The following NUP153 variants were observed in gnomAD, a reference collection of about 807,000 sequenced individuals.
NUP153 encodes the protein nucleoporin 153.
A neutral mutation model predicts 134.6 loss-of-function variants in NUP153; 27 were observed. The observed-to-expected ratio is 0.20, with a 90% CI of 0.15 to 0.28. NUP153 has a LOEUF of 0.28. Ranked by LOEUF, NUP153 falls within the 10% of genes least tolerant of loss-of-function variation. The pLI, the probability that NUP153 is intolerant of heterozygous loss-of-function variation, is 1.00. For missense variants in NUP153, 1,821 were observed against 1,731.3 expected, an observed-to-expected ratio of 1.05 and a Z score of -0.92; for synonymous variants, 640 against 623.5, an observed-to-expected ratio of 1.03 and a Z score of -0.40.
chr6:17,666,633 CA>C (rs1248775189), intron 8 of NUP153, among the ~76,000 whole-genome samples: 1 of 152,192 alleles, frequency 6.6e-6, no homozygotes, highest in Non-Finnish European at 1.5e-5. Flanking sequence ...AAAAATCTTA[CA>C]ATGTAAGTCT....
rs551976838 is a variant in NUP153 at position 17,635,781 on chromosome 6, G to A, written c.2464+1372C>T. Among the ~76,000 whole-genome samples, 76 of 152,236 alleles carry A rather than the reference G, an allele frequency of 5.0e-4. No homozygotes were observed. The South Asian group carries it at 0.012, about 24-fold the overall frequency. ...TGTTTTCAAATCCATTATCTAAAAAGCCAGTGACTCATCAAAAATACAAAC... is the reference window on the plus strand; with the variant it reads ...TGTTTTCAAATCCATTATCTAAAAAACCAGTGACTCATCAAAAATACAAAC... On this transcript the variant is annotated intron_variant, in intron 16 of 21. Transcript: ENST00000262077.
chr6:17,674,882 T>C, intron 5 of NUP153, 23 bp downstream of exon 5: 1 of 1,509,820 alleles, frequency 6.6e-7, no homozygotes, highest in Non-Finnish European at 8.8e-7. Context: ...AAAAAGATCA[T>C]CAACCCTTCT....
chr6:17,680,752 T>C lies in NUP153; in HGVS notation c.335-4982A>G, dbSNP rs969554800. On this transcript the variant is annotated intron_variant, in intron 2 of 21. Transcript: ENST00000262077. This position sits in a 1 kb window ranked among gnomAD's most constrained non-coding sequence, Gnocchi z 4.5. ...TACTCCAACCCCCAGTGAAAATGGC[T>C]TTTATCAAAAAGGCAATAATGGATG... 6.6e-6 allele frequency among the ~76,000 whole-genome samples: 1 copy of C among 152,308 alleles called. No individual in the cohort carries two copies. The highest frequency in any genetic ancestry group is 1.9e-4 in the East Asian group (1 of 5,180).
At chr6:17,665,125 A>G (rs1489418390) in intron 9 of NUP153, 114 bp downstream of exon 9, 4 of 629,632 alleles carry the variant, frequency 6.4e-6, no homozygotes, top group Non-Finnish European at 1.0e-5. Context: ...ACTAATTCAC[A>G]ACCTTTATGT....
intron 19 of NUP153, 54 bp from the exon 20 acceptor site, chr6:17,624,887 C>T (rs1159518815): frequency 2.1e-5 from 31 of 1,467,364 alleles, no homozygotes; most frequent in Admixed American, 2.6e-5. Context: ...TCAGATTATC[C>T]TCAAGAAATT....
chr6:17,663,737 G>C (rs1482048660), intron 9 of NUP153, among the ~76,000 whole-genome samples: 1 of 152,098 alleles, frequency 6.6e-6, no homozygotes, highest in Non-Finnish European at 1.5e-5. Flanking sequence ...TGTTAGAAAT[G>C]AGATAAAATA....
In NUP153 at chr6:17,628,830, G is replaced by T. The variant is rs1301474082; in HGVS notation, c.3369C>A (p.Asp1123Glu). The change falls in exon 18 of 22, where the codon GAC (aspartate) becomes GAA (glutamate). Residue 1123 changes from aspartate to glutamate, a missense_variant. Coordinates refer to ENST00000262077, the MANE Select transcript of NUP153 (RefSeq NM_005124.4). The surrounding 1 kb of genome is among the most constrained non-coding windows in gnomAD (Gnocchi z 5.4). ...CTGGTTGACACTTTGGCTCTTCATTGTCAGCTTTCTTCCCAAAAACTAGGG... is the reference window on the plus strand; with the variant it reads ...CTGGTTGACACTTTGGCTCTTCATTTTCAGCTTTCTTCCCAAAAACTAGGG... The part of the protein sequence containing the change: ...STSLVFGKKA[D>E]NEEPKCQPVF... The T allele has an allele frequency of 6.2e-7, 1 of 1,614,100 alleles. No individual in the cohort carries two copies. The highest frequency in any genetic ancestry group is 1.7e-5 in the Admixed American group (1 of 60,012).
chr6:17,654,800 C>T (rs1766712825), intron 11 of NUP153, among the ~76,000 whole-genome samples: 1 of 152,294 alleles, frequency 6.6e-6, no homozygotes, highest in African/African-American at 2.4e-5. Flanking sequence ...TTTGTAATAT[C>T]CTTACATGGG....
At chr6:17,656,826 G>A (rs1420929781) in intron 11 of NUP153, among the ~76,000 whole-genome samples, 1 of 152,172 alleles carries the variant, frequency 6.6e-6, no homozygotes, top group Non-Finnish European at 1.5e-5. Flanking sequence ...GTCTCTTCAT[G>A]CCTCTTTATG....
intron 16 of NUP153, among the ~76,000 whole-genome samples, chr6:17,635,030 A>T (rs1214119461): frequency 6.6e-6 from 1 of 151,832 alleles, no homozygotes; most frequent in African/African-American, 2.4e-5. Context: ...TAGAAAATTC[A>T]CAAATCTGTG....
At chr6:17,654,563 G>A (rs968312602) in intron 11 of NUP153, among the ~76,000 whole-genome samples, 12 of 151,926 alleles carry the variant, frequency 7.9e-5, no homozygotes, top group South Asian at 4.1e-4. Context: ...CTCGTGATCC[G>A]CCCACCTCGG....
At chr6:17,650,057 GAACA>G (rs1313572209) in intron 11 of NUP153, among the ~76,000 whole-genome samples, 1 of 152,114 alleles carries the variant, frequency 6.6e-6, no homozygotes, top group African/African-American at 2.4e-5. Context: ...CCTAGATAAA[GAACA>G]AACAAAATGA....
intron 2 of NUP153, among the ~76,000 whole-genome samples, chr6:17,686,662 T>G (rs1231488931): frequency 6.6e-6 from 1 of 151,514 alleles, no homozygotes; most frequent in Non-Finnish European, 1.5e-5. Flanking sequence ...CCCAAAGTTC[T>G]GGGATTAACA....
intron 15 of NUP153, 138 bp downstream of exon 15, chr6:17,639,801 C>T: frequency 1.5e-6 from 1 of 680,822 alleles, no homozygotes; most frequent in Non-Finnish European, 2.3e-6. Flanking sequence ...AGAATTACAC[C>T]TAACTACATC....
intron 20 of NUP153, 91 bp from the exon 21 acceptor site, chr6:17,616,786 C>T (rs562168873): frequency 8.8e-6 from 11 of 1,248,650 alleles, no homozygotes; most frequent in Non-Finnish European, 1.2e-5. Context: ...GTCTCGCTCT[C>T]TTGCCCAGGC....
intron 16 of NUP153, among the ~76,000 whole-genome samples, chr6:17,636,939 G>A (rs1380912359): frequency 6.6e-6 from 1 of 152,154 alleles, no homozygotes; most frequent in Non-Finnish European, 1.5e-5. Flanking sequence ...AGAGGAGGTC[G>A]TCATATATAC....
In NUP153 at chr6:17,637,541, A is replaced by G. The variant is rs1234482440; in HGVS notation, c.2076T>C (p.Ala692=). 6.2e-7 allele frequency: 1 copy of G among 1,614,166 alleles called. No homozygotes were observed. The highest frequency in any genetic ancestry group is 1.7e-5 in the Admixed American group (1 of 60,026). ...QAAKLSPRDT[A]KQTGIETPNK... is the part of the protein sequence containing the mutation. The stretch of plus-strand genomic sequence containing the variant: ...TTGGTGTTTCAATTCCAGTCTGTTT[A>G]GCAGTATCTCTGGGTGACAATTTTG... Residue 692 remains alanine (A), a synonymous_variant, in exon 16 of 22, where the codon GCT becomes GCC. Transcript: ENST00000262077.
chr6:17,625,768 T>C lies in NUP153; in HGVS notation c.3901+40A>G. ...AGAACTGACACACTAATAAGTAAAG[T>C]CCATCCAATTACAATGCATTTTTTC... On this transcript the variant is annotated intron_variant, in intron 19 of 21. Transcript: ENST00000262077. The surrounding 1 kb of genome is among the most constrained non-coding windows in gnomAD (Gnocchi z 4.7). 1.4e-6 allele frequency: 2 copies of C among 1,440,392 alleles called. No individual in the cohort carries two copies. Among genetic ancestry groups the C allele is most frequent in the South Asian group, 1.2e-5 (1 of 85,214 alleles). The allele number at this position is 1,440,392 out of a possible 1,614,324, so 89.2% of individuals were successfully genotyped here.
At chr6:17,651,555 T>C (rs1374060510) in intron 11 of NUP153, among the ~76,000 whole-genome samples, 1 of 152,112 alleles carries the variant, frequency 6.6e-6, no homozygotes, top group Non-Finnish European at 1.5e-5. Context: ...AGACCTACTT[T>C]AAATATAAAC....
Sources: gnomAD v4.1 joint callset for allele counts (sites outside exome capture counted in the v4.1 genomes callset) on GRCh38, gnomAD v4.1.1 for gene constraint, Gnocchi (gnomAD v3.1) non-coding constraint, MANE v1.5 for transcripts, NCBI Gene and HGNC (gene_info 2026-07-23, HGNC 2026-07-21) for gene names.